POU6F2: variants seen among roughly 807,000 people sequenced by gnomAD.
POU6F2 encodes POU domain, class 6, transcription factor 2.
POU6F2 carries 31 observed loss-of-function variants against 71.3 expected under a neutral mutation model. The observed-to-expected ratio is 0.43, with a 90% CI of 0.33 to 0.59. The LOEUF (loss-of-function observed/expected upper bound fraction) is 0.59. Among genes scored for constraint, POU6F2 ranks in the 20% least tolerant of loss-of-function variants. The probability of loss-of-function intolerance (pLI) is 0.04; values close to 1 mark genes in which losing one functional copy is unlikely to be tolerated. For missense variants in POU6F2, 783 were observed against 856.8 expected, an observed-to-expected ratio of 0.91 and a Z score of 1.07; for synonymous variants, 347 against 355.7, an observed-to-expected ratio of 0.98 and a Z score of 0.27.
At chr7:39,267,233 C>CA (rs1784263427) in intron 4 of POU6F2, among the ~76,000 whole-genome samples, 4 of 152,136 alleles carry the variant, frequency 2.6e-5, no homozygotes, top group Non-Finnish European at 5.9e-5. Flanking sequence ...CACACACAGA[C>CA]GCCCATAAAA....
intron 4 of POU6F2, among the ~76,000 whole-genome samples, chr7:39,295,013 T>C (rs1784821269): frequency 6.6e-6 from 1 of 152,186 alleles, no homozygotes; most frequent in African/African-American, 2.4e-5. Context: ...CAATACTTCA[T>C]GGATTCAGAG....
At chr7:39,095,097 G>A (rs545556405) in intron 2 of POU6F2, among the ~76,000 whole-genome samples, 1 of 152,158 alleles carries the variant, frequency 6.6e-6, no homozygotes, top group South Asian at 2.1e-4. Context: ...TCTATGAATG[G>A]GTAAATATCC....
chr7:39,006,827 A>C, intron 1 of POU6F2: 1 of 1,613,188 alleles, frequency 6.2e-7, no homozygotes, highest in Non-Finnish European at 8.5e-7. Context: ...ATGTTCTTAT[A>C]ATGATCCAAG....
intron 2 of POU6F2, among the ~76,000 whole-genome samples, chr7:39,198,410 T>TA (rs2128744517): frequency 6.6e-6 from 1 of 152,084 alleles, no homozygotes; most frequent in East Asian, 1.9e-4. Context: ...GATGCAGCCT[T>TA]AAAATAAAGA....
intron 4 of POU6F2, among the ~76,000 whole-genome samples, chr7:39,270,926 AC>A (rs1784329208): frequency 6.6e-6 from 1 of 151,876 alleles, no homozygotes; most frequent in Non-Finnish European, 1.5e-5. Context: ...GTTCTACAAG[AC>A]CCCTTCCGCC....
chr7:39,377,001 A>G (rs1053105208), intron 5 of POU6F2, among the ~76,000 whole-genome samples: 21 of 148,344 alleles, frequency 1.4e-4, no homozygotes, highest in African/African-American at 4.4e-4. Context: ...TCATATAAAT[A>G]TATTTGTTTA....
At chr7:39,388,474 C>T (rs1422915143) in intron 5 of POU6F2, among the ~76,000 whole-genome samples, 1 of 152,192 alleles carries the variant, frequency 6.6e-6, no homozygotes, top group Non-Finnish European at 1.5e-5. Flanking sequence ...CGCCACCACT[C>T]CCAGCTGATT....
chr7:39,051,428 G>T (rs1198286464), intron 1 of POU6F2, among the ~76,000 whole-genome samples: 2 of 152,076 alleles, frequency 1.3e-5, no homozygotes, highest in Non-Finnish European at 2.9e-5. Flanking sequence ...AAATCTACTT[G>T]TTACTTTCTA....
rs143841268 is a variant in POU6F2, at chr7:39,213,113, A to G, written c.598+5493A>G. On this transcript the variant is annotated intron_variant, in intron 4 of 9. Transcript: ENST00000518318. ...ATGTGCTACATAGGAGATTTATGTC[A>G]AAGTGTGAACATTCCAGTTAAGTCA... Among the ~76,000 whole-genome samples the G allele has an allele frequency of 7.1e-4, 108 of 152,358 alleles. 4 individuals are homozygous for G. The East Asian group carries it at 0.019, about 27-fold the overall frequency.
chr7:39,002,477 G>T (rs979015415), intron 1 of POU6F2, among the ~76,000 whole-genome samples: 12 of 152,030 alleles, frequency 7.9e-5, no homozygotes, highest in Non-Finnish European at 1.5e-5. Context: ...CCTCCCAAGG[G>T]GCTGGGACTA....
At chr7:39,054,981 G>T (rs1427270488) in intron 1 of POU6F2, among the ~76,000 whole-genome samples, 2 of 152,036 alleles carry the variant, frequency 1.3e-5, no homozygotes, top group African/African-American at 2.4e-5. Flanking sequence ...CAGGGTTGGA[G>T]TCTCCGGTGG....
At chr7:39,121,530 A>G (rs999239974) in intron 2 of POU6F2, among the ~76,000 whole-genome samples, 3 of 152,294 alleles carry the variant, frequency 2.0e-5, no homozygotes, top group African/African-American at 7.2e-5. Context: ...ATTTCTCGTT[A>G]TTATTTCTCA....
At chr7:39,307,215 A>G (rs914803829) in intron 4 of POU6F2, among the ~76,000 whole-genome samples, 1 of 152,202 alleles carries the variant, frequency 6.6e-6, no homozygotes, top group Non-Finnish European at 1.5e-5. Context: ...ATAGGTCAGA[A>G]TATTCTTTCT....
Position 39,406,720 on chromosome 7 carries a change from G to A in POU6F2, c.1093G>A (p.Val365Ile). The change falls in exon 6 of 10, where the codon GTT (valine) becomes ATT (isoleucine). Residue 365 changes from valine to isoleucine, a missense_variant. Coordinates refer to ENST00000518318, the MANE Select transcript of POU6F2 (RefSeq NM_001370959.1). ...TCTTCAGGGGGTCACAGGTCAACTA[G>A]TTACTAATGCACAAGGACAGGTGAG... ...SSLQGVTGQL[V>I]TNAQGQIIGT... 3.1e-6 allele frequency: 5 copies of A among 1,613,688 alleles called. No individual in the cohort carries two copies. The highest frequency in any genetic ancestry group is 4.2e-6 in the Non-Finnish European group (5 of 1,179,886).
intron 1 of POU6F2, among the ~76,000 whole-genome samples, chr7:39,017,709 A>T (rs1347607815): frequency 6.6e-6 from 1 of 152,064 alleles, no homozygotes; most frequent in East Asian, 1.9e-4. Flanking sequence ...GCATGCTGTC[A>T]TCTCAGAGGC....
chr7:39,249,357 C>T (rs1161479156), intron 4 of POU6F2, among the ~76,000 whole-genome samples: 1 of 152,190 alleles, frequency 6.6e-6, no homozygotes, highest in African/African-American at 2.4e-5. Context: ...CTGAGCTCTG[C>T]AGCACCCCTG....
At chr7:39,023,794 A>T (rs1172524105) in intron 1 of POU6F2, among the ~76,000 whole-genome samples, 1 of 152,044 alleles carries the variant, frequency 6.6e-6, no homozygotes, top group Non-Finnish European at 1.5e-5. Context: ...ATATTATTCC[A>T]CTTAAGCCTG....
intron 1 of POU6F2, among the ~76,000 whole-genome samples, chr7:39,038,864 T>G (rs1790119602): frequency 6.6e-6 from 1 of 151,946 alleles, no homozygotes. Context: ...TGAGAGAGCT[T>G]CTTCTTACCC....
chr7:39,140,221 A>C (rs6976988), intron 2 of POU6F2, among the ~76,000 whole-genome samples: 127,591 of 152,126 alleles, frequency 0.84, 53,859 homozygotes, highest in East Asian at 1. Flanking sequence ...AGTTTTTTTC[A>C]ATTTTCCACC....
Sources: gnomAD v4.1 joint callset for allele counts (sites outside exome capture counted in the v4.1 genomes callset) on GRCh38, gnomAD v4.1.1 for gene constraint, MANE v1.5 for transcripts, NCBI Gene and HGNC (gene_info 2026-07-23, HGNC 2026-07-21) for gene names.